The following PHIP variants were observed in gnomAD, a reference collection of about 807,000 sequenced individuals.
PHIP encodes PH-interacting protein.
In PHIP, 54 loss-of-function variants were observed where a neutral mutation model predicts 236.8. That is an observed-to-expected ratio of 0.23 (90% CI 0.18 to 0.29). PHIP has a LOEUF of 0.29. PHIP is among the 10% of genes least tolerant of loss of function. The pLI is 1.00. For synonymous variants in PHIP, 756 were observed against 718.9 expected, an observed-to-expected ratio of 1.05 and a Z score of -0.83; for missense variants, 1,370 against 2,190.8, an observed-to-expected ratio of 0.63 and a Z score of 7.48.
rs142728676 is a variant in PHIP, at chr6:79,010,338, C to T, written c.1524+4744G>A. On this transcript the variant is annotated intron_variant, in intron 15 of 39. Coordinates refer to ENST00000275034, the MANE Select transcript of PHIP (RefSeq NM_017934.7). ...GGGTGGTAGATTGGCAGCCTCTGCT[C>T]GTTTGGAACGTTGCAAGGAGAAATA... Among the ~76,000 whole-genome samples, 455 of 151,052 alleles carry T rather than the reference C, an allele frequency of 3.0e-3. 2 individuals are homozygous for T. The highest frequency in any genetic ancestry group is 6.9e-3 in the Middle Eastern group (2 of 290).
At chr6:79,058,185 T>C (rs1408543078) in intron 6 of PHIP, among the ~76,000 whole-genome samples, 1 of 152,100 alleles carries the variant, frequency 6.6e-6, no homozygotes, top group African/African-American at 2.4e-5. Flanking sequence ...ATCAATCACC[T>C]GCTTGGCAAT....
chr6:78,956,253 C>A (rs1360716722), intron 32 of PHIP: 1 of 152,078 alleles, frequency 6.6e-6, no homozygotes, highest in Non-Finnish European at 1.5e-5. Flanking sequence ...TAATGGGAAT[C>A]TTGGTTTTTC....
At chr6:79,060,909 TA>T (rs1773337537) in intron 4 of PHIP, 91 bp from the exon 5 acceptor site, 3 of 834,132 alleles carry the variant, frequency 3.6e-6, no homozygotes, top group Non-Finnish European at 5.5e-6. Flanking sequence ...CATCCAAGTA[TA>T]AAATATTTTG....
chr6:79,046,903 T>TAAAAAAA (rs747732821), intron 6 of PHIP, among the ~76,000 whole-genome samples: 4 of 109,570 alleles, frequency 3.7e-5, no homozygotes, highest in Admixed American at 9.3e-5. Flanking sequence ...GTTTAAGAAT[T>TAAAAAAA]AAAAAAAAAA....
At chr6:79,044,435 G>T (rs1180217247) in intron 6 of PHIP, among the ~76,000 whole-genome samples, 1 of 152,086 alleles carries the variant, frequency 6.6e-6, no homozygotes, top group East Asian at 1.9e-4. Flanking sequence ...CCCAGGAATG[G>T]CCTGGTAAAA....
At chr6:79,027,818 G>A (rs1771483669) in intron 7 of PHIP, among the ~76,000 whole-genome samples, 1 of 152,112 alleles carries the variant, frequency 6.6e-6, no homozygotes, top group African/African-American at 2.4e-5. Context: ...GCAATGTAAT[G>A]TAGCTTAGAG....
In PHIP at chr6:78,998,287, C is replaced by T. The variant is rs536304988; in HGVS notation, c.1984G>A (p.Ala662Thr). ...QEQDLRRSGE[A>T]VISNTSRLSR... The stretch of plus-strand genomic sequence containing the variant: ...AAACGGCTGGTATTACTGATAACTG[C>T]TTCACCAGAACGTCTCAGGTCTTGC... The change falls in exon 18 of 40, where the codon GCA becomes ACA. Residue 662 changes from alanine to threonine, a missense_variant. Ala to Thr is a moderately conservative substitution (Grantham distance 58). Coordinates refer to ENST00000275034, the MANE Select transcript of PHIP (RefSeq NM_017934.7). 3.1e-6 allele frequency: 5 copies of T among 1,610,574 alleles called. No homozygotes were observed. The highest frequency in any genetic ancestry group is 4.2e-6 in the Non-Finnish European group (5 of 1,176,908).
chr6:79,066,145 C>T (rs556664147), intron 4 of PHIP, among the ~76,000 whole-genome samples: 1 of 152,054 alleles, frequency 6.6e-6, no homozygotes, highest in South Asian at 2.1e-4. Context: ...CCTCAAGATC[C>T]CCAATTTCTG....
intron 23 of PHIP, among the ~76,000 whole-genome samples, chr6:78,981,911 G>T (rs1768563172): frequency 6.6e-6 from 1 of 151,958 alleles, no homozygotes. Flanking sequence ...AAGAAAAACA[G>T]CAGCTGTGGA....
chr6:78,997,377 G>T, intron 19 of PHIP, 37 bp downstream of exon 19: 2 of 1,575,666 alleles, frequency 1.3e-6, no homozygotes, highest in Non-Finnish European at 1.7e-6. Context: ...ATGAACCCAA[G>T]GAACTATGGT....
Position 79,078,011 on chromosome 6 carries a change from G to A in PHIP, c.40+18C>T. On this transcript the variant is annotated intron_variant, in intron 1 of 39. Transcript: ENST00000275034. The stretch of plus-strand genomic sequence containing the variant: ...GGAATCGCCCGGTGCCAGCGGCCCC[G>A]GCAGCCCCCCGACTTACCCGATCGC... 1 of 1,602,242 alleles carries A rather than the reference G, an allele frequency of 6.2e-7. No homozygotes were observed. The highest frequency in any genetic ancestry group is 8.5e-7 in the Non-Finnish European group (1 of 1,175,272).
intron 19 of PHIP, among the ~76,000 whole-genome samples, chr6:78,991,853 A>AT (rs112389282): frequency 5.0e-4 from 74 of 148,240 alleles, no homozygotes; most frequent in East Asian, 7.8e-4. Flanking sequence ...TTTGTTCTTA[A>AT]TTTTTTTTTT....
intron 31 of PHIP, 98 bp downstream of exon 31, chr6:78,961,592 C>T (rs1766783617): frequency 1.7e-6 from 2 of 1,167,810 alleles, no homozygotes; most frequent in Non-Finnish European, 2.5e-6. Flanking sequence ...ATGTGCATTC[C>T]TATATACAAA....
chr6:78,960,575 T>C (rs1043782746), intron 31 of PHIP, among the ~76,000 whole-genome samples: 4 of 152,076 alleles, frequency 2.6e-5, no homozygotes, highest in African/African-American at 7.2e-5. Flanking sequence ...TCTACGCTTT[T>C]TGACAAATAT....
intron 15 of PHIP, among the ~76,000 whole-genome samples, chr6:79,013,682 A>G (rs961635912): frequency 6.6e-6 from 1 of 151,716 alleles, no homozygotes; most frequent in Admixed American, 6.6e-5. Context: ...TTACCTGATA[A>G]GGGAAAATTC....
At chr6:78,994,305 C>T (rs189482306) in intron 19 of PHIP, among the ~76,000 whole-genome samples, 79 of 152,286 alleles carry the variant, frequency 5.2e-4, no homozygotes, top group African/African-American at 1.7e-3. Flanking sequence ...TGGCCAGGCG[C>T]GGTGGCTCAT....
chr6:78,936,673 C>T lies in PHIP; in HGVS notation c.*4020G>A, dbSNP rs1773281601. 1 of 151,744 alleles carries T rather than the reference C, an allele frequency of 6.6e-6. No homozygotes were observed. The highest frequency in any genetic ancestry group is 1.5e-5 in the Non-Finnish European group (1 of 67,750). 9.4% of individuals were successfully genotyped at this position (151,744 alleles called of 1,614,324 possible). A position where few individuals can be genotyped will look rare whatever the true frequency, so the allele number is the denominator to read the frequency against. On this transcript the variant is annotated 3_prime_UTR_variant, in exon 40 of 40. Transcript: ENST00000275034. ...AACTAAAAATAATATCTATTTATAG[C>T]TCATATTTTCTACTCACTGTTCTAC...
At chr6:78,973,168 C>A (rs1487423985) in intron 24 of PHIP, among the ~76,000 whole-genome samples, 1 of 152,244 alleles carries the variant, frequency 6.6e-6, no homozygotes. Context: ...ATTAGACTAA[C>A]AGCGGATCTC....
intron 12 of PHIP, 55 bp from the exon 13 acceptor site, chr6:79,016,697 A>C: frequency 9.4e-7 from 1 of 1,059,900 alleles, no homozygotes; most frequent in Non-Finnish European, 1.4e-6. Context: ...CTTTACCAAA[A>C]TGCACTTTTC....
Sources: gnomAD v4.1 joint callset for allele counts (sites outside exome capture counted in the v4.1 genomes callset) on GRCh38, gnomAD v4.1.1 for gene constraint, MANE v1.5 for transcripts, NCBI Gene and HGNC (gene_info 2026-07-23, HGNC 2026-07-21) for gene names.